Variants in AXIN1 observed in about 807,000 individuals in gnomAD.
AXIN1 encodes axin-1.
AXIN1 carries 30 observed loss-of-function variants against 76.4 expected under a neutral mutation model. The observed-to-expected ratio is 0.39, with a 90% CI of 0.29 to 0.53. The LOEUF (loss-of-function observed/expected upper bound fraction) is 0.53. Among genes scored for constraint, AXIN1 ranks in the 20% least tolerant of loss-of-function variants. The probability of loss-of-function intolerance (pLI) is 0.66; values close to 1 mark genes in which losing one functional copy is unlikely to be tolerated. For missense variants in AXIN1, 1,140 were observed against 1,198.8 expected, an observed-to-expected ratio of 0.95 and a Z score of 0.72; for synonymous variants, 545 against 501.4, an observed-to-expected ratio of 1.09 and a Z score of -1.16.
At chr16:314,077 G>T (rs2053244336) in intron 3 of AXIN1, among the ~76,000 whole-genome samples, 1 of 152,226 alleles carries the variant, frequency 6.6e-6, no homozygotes, top group South Asian at 2.1e-4. Context: ...GCCTGTGCCT[G>T]TCTTTAAGCT....
At chr16:345,280 T>C (rs906972139) in intron 2 of AXIN1, among the ~76,000 whole-genome samples, 13 of 152,140 alleles carry the variant, frequency 8.5e-5, no homozygotes, top group Non-Finnish European at 1.5e-4. Flanking sequence ...ACAGATTTTG[T>C]TGGCAGGAAA....
chr16:297,186 C>A lies in AXIN1; in HGVS notation c.1825G>T (p.Ala609Ser), dbSNP rs775191533. 1.7e-5 allele frequency: 28 copies of A among 1,610,108 alleles called. No homozygotes were observed. The highest frequency in any genetic ancestry group is 2.1e-5 in the Non-Finnish European group (25 of 1,179,968). ...GVACKRNAKK[A>S]ESGKSASTEV... ...GTGCTGGCGCTCTTCCCCGACTCAG[C>A]CTTCTTGGCATTTCTTTTGCACGCC... Residue 609 changes from alanine (A) to serine (S), a missense_variant, in exon 7 of 11, where the codon GCT becomes TCT. Coordinates refer to ENST00000262320, the MANE Select transcript of AXIN1 (RefSeq NM_003502.4).
At chr16:312,360 G>A (rs2053202422) in intron 3 of AXIN1, among the ~76,000 whole-genome samples, 1 of 152,078 alleles carries the variant, frequency 6.6e-6, no homozygotes, top group African/African-American at 2.4e-5. Flanking sequence ...AAGATGAACA[G>A]AATATCAAGA....
At position 297,309 on chromosome 16, in the gene AXIN1, G is replaced by A. The variant is rs2141505401; in HGVS notation, c.1785-83C>T. The stretch of plus-strand genomic sequence containing the variant: ...TCCTCGTCTGCGAGGCCCCCTCCTG[G>A]CATCTGTAAGGCTCCCGTGGTGCAG... On this transcript the variant is annotated intron_variant, in intron 6 of 10. Transcript: ENST00000262320. 4 of 1,566,290 alleles carry A rather than the reference G, an allele frequency of 2.6e-6. No homozygotes were observed. In the Admixed American group the frequency reaches 5.0e-5, roughly 20 times the overall value.
At chr16:297,670 A>T (rs2141507451) in intron 6 of AXIN1, 52 bp downstream of exon 6, 1 of 1,519,720 alleles carries the variant, frequency 6.6e-7, no homozygotes, top group Non-Finnish European at 8.8e-7. Context: ...GGCCTTCTGC[A>T]GGGACACAGC....
At chr16:303,163 C>CA (rs913788219) in intron 5 of AXIN1, among the ~76,000 whole-genome samples, 2 of 152,156 alleles carry the variant, frequency 1.3e-5, no homozygotes, top group Non-Finnish European at 2.9e-5. Context: ...GCCCGGCCAG[C>CA]AAAGGCAGCC....
chr16:314,934 G>A (rs2053266297), intron 2 of AXIN1, among the ~76,000 whole-genome samples: 1 of 152,172 alleles, frequency 6.6e-6, no homozygotes, highest in Admixed American at 6.5e-5. Flanking sequence ...GGGGGCTTTG[G>A]TGCACACACA....
chr16:289,657 C>A (rs1464351146), intron 9 of AXIN1, 50 bp from the exon 10 acceptor site: 2 of 1,606,314 alleles, frequency 1.2e-6, no homozygotes, highest in East Asian at 2.2e-5. Context: ...TGAGGTCCCA[C>A]AGGGTCCCTC....
rs1162162320 is a variant in AXIN1 at position 289,587 on chromosome 16, A to C, written c.2315T>G (p.Val772Gly). The part of the protein sequence containing the change: ...SETETRSQRK[V>G]GGGSAQPCDS... ...ACACGGCTGGGCACTCCCGCCGCCC[A>C]CCTTCCTCTGCGATCTTGTCCTGGG... Residue 772 changes from valine (V) to glycine (G), a missense_variant, in exon 10 of 11, where the codon GTG (valine) becomes GGG (glycine). Physicochemically the swap from Val to Gly is moderately radical, Grantham distance 109 (BLOSUM62 -3). This residue lies in a region of AXIN1 where 429 missense variants were observed against 405.8 expected (regional missense o/e 1.06). Transcript: ENST00000262320. 6.2e-7 allele frequency: 1 copy of C among 1,612,752 alleles called. No individual in the cohort carries two copies. Among genetic ancestry groups the C allele is most frequent in the East Asian group, 2.2e-5 (1 of 44,868 alleles).
chr16:338,084 G>C (rs1024326722), intron 2 of AXIN1, among the ~76,000 whole-genome samples: 1 of 152,208 alleles, frequency 6.6e-6, no homozygotes, highest in Non-Finnish European at 1.5e-5. Context: ...AGAGCCAACA[G>C]GCGGCCCTCT....
chr16:320,410 G>A (rs2053412589), intron 2 of AXIN1, among the ~76,000 whole-genome samples: 1 of 152,072 alleles, frequency 6.6e-6, no homozygotes, highest in African/African-American at 2.4e-5. Context: ...ATTCCAGCAA[G>A]GTAAGATGAC....
Position 293,326 on chromosome 16 carries a change from G to C in AXIN1, c.2186+162C>G, listed in dbSNP as rs547166593. 3.8e-5 allele frequency: 27 copies of C among 719,040 alleles called. No individual in the cohort carries two copies. The East Asian group carries it at 7.1e-4, about 19-fold the overall frequency. 44.5% of individuals were successfully genotyped at this position (719,040 alleles called of 1,614,324 possible). A position where few individuals can be genotyped will look rare whatever the true frequency, so the allele number is the denominator to read the frequency against. On this transcript the variant is annotated intron_variant, in intron 8 of 10. Transcript: ENST00000262320. The surrounding 1 kb of genome is among the most constrained non-coding windows in gnomAD (Gnocchi z 4.6). ...TCCACCGCAGGGTGGCCTGCCACGT[G>C]GCCCCTCAGTGGTTCTCAGTGGATG...
chr16:310,828 AC>A (rs2053158279), intron 3 of AXIN1, among the ~76,000 whole-genome samples: 3 of 152,240 alleles, frequency 2.0e-5, no homozygotes, highest in African/African-American at 7.2e-5. Flanking sequence ...TGTGGCCTAG[AC>A]CACTGTGCAG....
rs181580929 is a variant in AXIN1 at position 338,961 on chromosome 16, G to A, written c.878+7187C>T. 1.2e-3 allele frequency among the ~76,000 whole-genome samples: 174 copies of A among 149,238 alleles called. 2 individuals are homozygous for A. Among genetic ancestry groups the A allele is most frequent in the East Asian group, 9.8e-3 (50 of 5,090 alleles). ...AAAAAGTGGGATGCAAGCTGGTGCT[G>A]TGGGGACAGAGTCCAGCAGAGCACC... On this transcript the variant is annotated intron_variant, in intron 2 of 10. Transcript: ENST00000262320.
chr16:323,209 G>A (rs576509764), intron 2 of AXIN1, among the ~76,000 whole-genome samples: 2 of 152,146 alleles, frequency 1.3e-5, no homozygotes, highest in Non-Finnish European at 2.9e-5. Context: ...GGAGGCCAAC[G>A]CAGGCATATC....
intron 9 of AXIN1, 91 bp from the exon 10 acceptor site, chr16:289,698 G>C: frequency 2.0e-6 from 3 of 1,537,888 alleles, no homozygotes; most frequent in Non-Finnish European, 2.6e-6. Flanking sequence ...GTGTAAGGCG[G>C]GGCAGGCCTG....
At chr16:300,292 G>A (rs997449767) in intron 5 of AXIN1, among the ~76,000 whole-genome samples, 4 of 151,076 alleles carry the variant, frequency 2.6e-5, no homozygotes, top group African/African-American at 7.3e-5. Context: ...GGGGTCAAGC[G>A]ATCCTCCTGC....
chr16:325,135 C>G (rs192741107), intron 2 of AXIN1, among the ~76,000 whole-genome samples: 221 of 150,192 alleles, frequency 1.5e-3, no homozygotes, highest in Admixed American at 7.1e-3. Context: ...AGGAAACCAT[C>G]GCCTCAGCCC....
At chr16:321,300 T>C (rs1781346429) in intron 2 of AXIN1, among the ~76,000 whole-genome samples, 1 of 151,636 alleles carries the variant, frequency 6.6e-6, no homozygotes, top group Non-Finnish European at 1.5e-5. Context: ...CCCTCCCTGG[T>C]AGTAAGGCAC....
Sources: allele counts gnomAD v4.1 joint callset (sites outside exome capture counted in the v4.1 genomes callset), GRCh38; gene constraint gnomAD v4.1.1; regional missense constraint gnomAD v4.1.1; non-coding constraint Gnocchi (gnomAD v3.1); transcripts MANE v1.5; gene names NCBI Gene and HGNC (gene_info 2026-07-23, HGNC 2026-07-21).